TRIM61: variants seen among roughly 807,000 people sequenced by gnomAD.
TRIM61 encodes the protein putative tripartite motif-containing protein 61.
Under a neutral mutation model 14.2 loss-of-function variants are expected in TRIM61, and 1 was observed. The observed-to-expected ratio is 0.07, with a 90% CI of 0.03 to 0.33. The LOEUF (loss-of-function observed/expected upper bound fraction) is 0.33. Ranked by LOEUF, TRIM61 falls within the 10% of genes least tolerant of loss-of-function variation. The probability of loss-of-function intolerance (pLI) is 0.99; values close to 1 mark genes in which losing one functional copy is unlikely to be tolerated. For missense variants in TRIM61, 19 were observed against 202.2 expected (o/e 0.09, Z 5.49); for synonymous variants, 8 against 71.6 (o/e 0.11, Z 4.49).
At chr4:164,975,894 G>T (rs1732470217) in intron 2 of TRIM61, among the ~76,000 whole-genome samples, 1 of 152,182 alleles carries the variant, frequency 6.6e-6, no homozygotes. Flanking sequence ...CTGCCCCTGG[G>T]AACTGAATGT....
chr4:164,971,103 C>G (rs945141812), intron 2 of TRIM61, among the ~76,000 whole-genome samples: 17 of 151,780 alleles, frequency 1.1e-4, no homozygotes, highest in Non-Finnish European at 2.2e-4. Context: ...TCTATCTCCC[C>G]CCTCAAAAAA....
chr4:164,955,732 G>C (rs1299136958), intron 3 of TRIM61, among the ~76,000 whole-genome samples: 1 of 152,032 alleles, frequency 6.6e-6, no homozygotes, highest in Non-Finnish European at 1.5e-5. Context: ...GATGACTCAG[G>C]TAATCTGAGA....
At chr4:164,957,394 C>A (rs1409320979) in intron 3 of TRIM61, 1 of 1,613,932 alleles carries the variant, frequency 6.2e-7, no homozygotes, top group Non-Finnish European at 8.5e-7. Flanking sequence ...CAGGAAAAGT[C>A]AGGAAGAGAA....
In TRIM61 at chr4:164,959,998, T is replaced by A. The variant is rs1732098317; in HGVS notation, c.526-4902A>T. ...ATGAGGTCATTAGGGTGGGCCTTAA[T>A]CCAGTATCACTGCAGTCCTTATAAA... On this transcript the variant is annotated intron_variant, in intron 3 of 4. Transcript: ENST00000329314. 2.0e-5 allele frequency among the ~76,000 whole-genome samples: 3 copies of A among 152,276 alleles called. No homozygotes were observed. In the South Asian group the frequency reaches 6.2e-4, roughly 32 times the overall value.
At chr4:164,960,304 C>G (rs183990935) in intron 3 of TRIM61, among the ~76,000 whole-genome samples, 10 of 152,004 alleles carry the variant, frequency 6.6e-5, no homozygotes, top group Middle Eastern at 3.4e-3. Context: ...CATCACTTTT[C>G]GAGGCCGAGG....
At chr4:164,963,312 G>A (rs1240662679) in intron 3 of TRIM61, among the ~76,000 whole-genome samples, 2 of 152,138 alleles carry the variant, frequency 1.3e-5, no homozygotes, top group Non-Finnish European at 2.9e-5. Context: ...ACCAACCTGG[G>A]TAACATTAGT....
intron 3 of TRIM61, chr4:164,968,292 A>AT: frequency 1.0e-6 from 1 of 960,470 alleles, no homozygotes; most frequent in Non-Finnish European, 1.2e-6. Context: ...ACAGAAAAAA[A>AT]TTACTGGGCT....
At position 164,968,134 on chromosome 4, in the gene TRIM61, C is replaced by A. The variant is rs142339564; in HGVS notation, c.525+1344G>T. The A allele has an allele frequency of 2.0e-4, 194 of 975,580 alleles. No individual in the cohort carries two copies. The African/African-American group carries it at 3.3e-3, about 17-fold the overall frequency. 60.4% of individuals were successfully genotyped at this position (975,580 alleles called of 1,614,324 possible). A position where few individuals can be genotyped will look rare whatever the true frequency, so the allele number is the denominator to read the frequency against. ...GGCCATTGCACTCCAGCCTGGGCAA[C>A]GAAAAAAGGGGAGGGGAGGGGAGAA... On this transcript the variant is annotated intron_variant, in intron 3 of 4. Transcript: ENST00000329314.
Position 164,954,700 on chromosome 4 carries a change from CA to C in TRIM61, c.*84del, listed in dbSNP as rs1434298148. ...GTTGGCAGCATGGCTATAATCCCAGCACTTTGGGAGGTCAAGGCAGGAAGAT... is the reference window on the plus strand; with the variant it reads ...GTTGGCAGCATGGCTATAATCCCAGCCTTTGGGAGGTCAAGGCAGGAAGAT... On this transcript the variant is annotated 3_prime_UTR_variant, in exon 5 of 5. Coordinates refer to ENST00000329314, the MANE Select transcript of TRIM61 (RefSeq NM_001012414.3). 3.3e-5 allele frequency: 5 copies of C among 153,166 alleles called. No homozygotes were observed. Among genetic ancestry groups the C allele is most frequent in the African/African-American group, 9.7e-5 (4 of 41,448 alleles). 9.5% of individuals were successfully genotyped at this position (153,166 alleles called of 1,614,324 possible).
chr4:164,956,939 C>T (rs976190770), intron 3 of TRIM61: 3 of 1,328,966 alleles, frequency 2.3e-6, no homozygotes, highest in African/African-American at 1.5e-5. Context: ...CGGCCGGCAC[C>T]GTCTCTGGGC....
Position 164,975,482 on chromosome 4 carries a change from T to C in TRIM61, c.-338+1206A>G, listed in dbSNP as rs550647698. Among the ~76,000 whole-genome samples, 222 of 152,334 alleles carry C rather than the reference T, an allele frequency of 1.5e-3. 2 individuals carry two copies. Among genetic ancestry groups the C allele is most frequent in the African/African-American group, 5.2e-3 (217 of 41,580 alleles). On this transcript the variant is annotated intron_variant, in intron 2 of 4. Transcript: ENST00000329314. ...ACTTTAAACAATTGCTTTGCTGAGA[T>C]GTTGTTAATTTGTAGCTTTGCCCCA...
intron 3 of TRIM61, among the ~76,000 whole-genome samples, chr4:164,964,349 A>G (rs79625461): frequency 1.3e-4 from 19 of 148,398 alleles, no homozygotes; most frequent in Middle Eastern, 3.5e-3. Context: ...CTCTGTCTCA[A>G]AAAAAAAAAA....
At chr4:164,976,525 T>C (rs1450337174) in intron 2 of TRIM61, among the ~76,000 whole-genome samples, 163 bp downstream of exon 2, 1 of 152,198 alleles carries the variant, frequency 6.6e-6, no homozygotes, top group African/African-American at 2.4e-5. Context: ...CACCCTAGTT[T>C]AAACCACTTA....
chr4:164,956,534 A>T (rs373277037), intron 3 of TRIM61, among the ~76,000 whole-genome samples: 1 of 152,184 alleles, frequency 6.6e-6, no homozygotes, highest in Admixed American at 6.5e-5. Flanking sequence ...GACATCTTAT[A>T]ATTTCATCTG....
chr4:164,956,909 G>A (rs184440152), intron 3 of TRIM61: 4 of 1,057,282 alleles, frequency 3.8e-6, no homozygotes, highest in Non-Finnish European at 5.3e-6. Context: ...AAGTCGGAGC[G>A]GCAGAGCAGT....
intron 2 of TRIM61, among the ~76,000 whole-genome samples, chr4:164,976,171 T>C (rs1045399433): frequency 6.6e-6 from 1 of 152,152 alleles, no homozygotes; most frequent in Non-Finnish European, 1.5e-5. Flanking sequence ...CCTACTACAT[T>C]CCTTTTTGCT....
intron 3 of TRIM61, among the ~76,000 whole-genome samples, chr4:164,961,240 A>G (rs1732132093): frequency 1.3e-5 from 2 of 150,878 alleles, no homozygotes; most frequent in Admixed American, 1.3e-4. Flanking sequence ...TTGGCAGAAA[A>G]TAAAGACAAC....
At chr4:164,960,503 C>T (rs1051929741) in intron 3 of TRIM61, among the ~76,000 whole-genome samples, 1 of 150,528 alleles carries the variant, frequency 6.6e-6, no homozygotes, top group Non-Finnish European at 1.5e-5. Flanking sequence ...TGCAGTGAGC[C>T]GAGATGGCAC....
chr4:164,959,017 ATATGACTATATAATT>A (rs1371176403), intron 3 of TRIM61: 1 of 167,126 alleles, frequency 6.0e-6, no homozygotes, highest in Non-Finnish European at 1.5e-5. Context: ...TAATACGTTC[ATATGACTATATAATT>A]GTTCACAGCT....
Sources: allele counts gnomAD v4.1 joint callset (sites outside exome capture counted in the v4.1 genomes callset), GRCh38; gene constraint gnomAD v4.1.1; transcripts MANE v1.5; gene names NCBI Gene and HGNC (gene_info 2026-07-23, HGNC 2026-07-21).